Variants in PUS3 observed in about 807,000 individuals in gnomAD.
The protein encoded by PUS3 is tRNA pseudouridine(38/39) synthase.
Under a neutral mutation model 43.3 loss-of-function variants are expected in PUS3, and 36 were observed. The ratio of observed to expected loss-of-function variants is 0.83; its 90% CI spans 0.64 to 1.10. PUS3 has a LOEUF of 1.10. PUS3 is among the 50% of genes least tolerant of loss of function. The pLI, the probability that PUS3 is intolerant of heterozygous loss-of-function variation, is 0.00. For synonymous variants in PUS3, 183 were observed against 199.2 expected (o/e 0.92, Z 0.69); for missense variants, 544 against 589.9 (o/e 0.92, Z 0.81).
chr11:125,896,861 C>T (rs1944606153), intron 1 of PUS3, among the ~76,000 whole-genome samples: 1 of 152,038 alleles, frequency 6.6e-6, no homozygotes, highest in Non-Finnish European at 1.5e-5. Context: ...AAGAAGCTTA[C>T]CGATGGTTGT....
At chr11:125,898,070 G>A (rs959588380) in intron 1 of PUS3, among the ~76,000 whole-genome samples, 1 of 152,124 alleles carries the variant, frequency 6.6e-6, no homozygotes, top group African/African-American at 2.4e-5. Flanking sequence ...GTTCAGAAGA[G>A]TTGTGTAGTG....
intron 1 of PUS3, chr11:125,899,923 C>T: frequency 1.2e-6 from 2 of 1,614,174 alleles, no homozygotes; most frequent in Non-Finnish European, 1.7e-6. Context: ...ACGAACAAGA[C>T]CTGATTGTTG....
rs1160441278 is a variant in PUS3 at position 125,895,691 on chromosome 11, A to G, written c.477T>C (p.Arg159=). 1 of 1,614,062 alleles carries G rather than the reference A, an allele frequency of 6.2e-7. No individual in the cohort carries two copies. The highest frequency in any genetic ancestry group is 2.2e-5 in the East Asian group (1 of 44,892). ...GTACCCGATTGAGAATGTGGGTATAACGGATCTCTTCAGCAGCAGCATTAG... is the reference window on the plus strand; with the variant it reads ...GTACCCGATTGAGAATGTGGGTATAGCGGATCTCTTCAGCAGCAGCATTAG... ...EEANAAAEEI[R]YTHILNRVLP... is the part of the protein sequence containing the mutation. The change falls in exon 3 of 4, where the codon CGT becomes CGC. Residue 159 remains arginine, a synonymous_variant. Transcript: ENST00000227474.
At position 125,894,048 on chromosome 11, in the gene PUS3, C is replaced by T. The variant is rs146114159; in HGVS notation, c.1183G>A (p.Val395Ile). Residue 395 changes from valine to isoleucine, a missense_variant, in exon 4 of 4, where the codon GTC becomes ATC. Val to Ile is a conservative substitution (Grantham distance 29, BLOSUM62 3). Transcript: ENST00000227474. ...ACAAAGGCACTGGTCTGCTTTATGACAGAGGGCTTAACATTTCCCCATTCT... is the reference window on the plus strand; with the variant it reads ...ACAAAGGCACTGGTCTGCTTTATGATAGAGGGCTTAACATTTCCCCATTCT... ...MTEWGNVKPS[V>I]IKQTSAFVEG... 1.9e-6 allele frequency: 3 copies of T among 1,614,062 alleles called. No homozygotes were observed. The highest frequency in any genetic ancestry group is 1.3e-5 in the African/African-American group (1 of 74,908).
Position 125,895,648 on chromosome 11 carries a change from T to C in PUS3, c.520A>G (p.Ile174Val), listed in dbSNP as rs746058273. The change falls in exon 3 of 4, where the codon ATA (isoleucine) becomes GTA (valine). Residue 174 changes from isoleucine (I) to valine (V), a missense_variant. Ile to Val is a conservative substitution (Grantham distance 29, BLOSUM62 3). Coordinates refer to ENST00000227474, the MANE Select transcript of PUS3 (RefSeq NM_031307.4). Reference protein sequence around the residue: ...LNRVLPPDIRILAWAPVEPSF... With the variant: ...LNRVLPPDIRVLAWAPVEPSF... The stretch of plus-strand genomic sequence containing the variant: ...GGTTCTACAGGGGCCCAGGCCAATA[T>C]ACGGATGTCTGGAGGGAGTACCCGA... 1 of 1,614,206 alleles carries C rather than the reference T, an allele frequency of 6.2e-7. No homozygotes were observed. Among genetic ancestry groups the C allele is most frequent in the Non-Finnish European group, 8.5e-7 (1 of 1,180,038 alleles).
At chr11:125,899,707 G>T in intron 1 of PUS3, 2 of 1,614,146 alleles carry the variant, frequency 1.2e-6, no homozygotes, top group South Asian at 2.2e-5. Context: ...CAGATGAGTC[G>T]ATTATCAGTG....
chr11:125,900,347 T>C, intron 1 of PUS3: 1 of 1,395,610 alleles, frequency 7.2e-7, no homozygotes, highest in Non-Finnish European at 1.0e-6. Flanking sequence ...GAAACAACTG[T>C]CTTGAGAAGC....
chr11:125,899,377 ACTT>A, intron 1 of PUS3: 1 of 1,614,088 alleles, frequency 6.2e-7, no homozygotes, highest in Non-Finnish European at 8.5e-7. Context: ...CAATGGAAGA[ACTT>A]CTACCTGATG....
At chr11:125,899,675 C>T in intron 1 of PUS3, 2 of 1,614,164 alleles carry the variant, frequency 1.2e-6, no homozygotes, top group South Asian at 2.2e-5. Context: ...GCGCAGAAAG[C>T]CAGATGGGGA....
At chr11:125,901,782 G>A (rs1944779269) in intron 1 of PUS3, among the ~76,000 whole-genome samples, 1 of 152,188 alleles carries the variant, frequency 6.6e-6, no homozygotes, top group Non-Finnish European at 1.5e-5. Context: ...AAAGACATTA[G>A]AATATTAAAT....
At chr11:125,895,178 G>A in intron 3 of PUS3, 46 bp downstream of exon 3, 1 of 1,464,698 alleles carries the variant, frequency 6.8e-7, no homozygotes, top group South Asian at 1.4e-5. Flanking sequence ...GTCCCGAGTA[G>A]CTGGGACTAC....
intron 1 of PUS3, chr11:125,899,811 T>G: frequency 1.9e-6 from 3 of 1,614,166 alleles, no homozygotes; most frequent in Non-Finnish European, 2.5e-6. Context: ...GAATCTTCAT[T>G]TGATGTTTCA....
chr11:125,900,611 C>A (rs1241246070), intron 1 of PUS3: 4 of 303,522 alleles, frequency 1.3e-5, no homozygotes, highest in Non-Finnish European at 2.6e-5. Context: ...AGTTGCTGGG[C>A]ATTACACTTA....
intron 1 of PUS3, among the ~76,000 whole-genome samples, chr11:125,896,612 C>G (rs1944599124): frequency 6.6e-6 from 1 of 152,178 alleles, no homozygotes; most frequent in South Asian, 2.1e-4. Flanking sequence ...TTTCATTTCT[C>G]TATCTTCACT....
intron 1 of PUS3, chr11:125,899,837 C>T (rs546068885): frequency 6.2e-7 from 1 of 1,614,142 alleles, no homozygotes; most frequent in South Asian, 1.1e-5. Flanking sequence ...ATTTAACCTA[C>T]CACATGAATA....
Position 125,896,311 on chromosome 11 carries a change from A to G in PUS3, c.-27T>C, listed in dbSNP as rs765909258. 1.1e-5 allele frequency: 17 copies of G among 1,573,474 alleles called. No homozygotes were observed. The South Asian group carries it at 1.5e-4, about 14-fold the overall frequency. On this transcript the variant is annotated 5_prime_UTR_variant, in exon 2 of 4. Coordinates refer to ENST00000227474, the MANE Select transcript of PUS3 (RefSeq NM_031307.4). ...ATATGACAACCCCAGGAATAAACGAACCATACAGGTCTGCCCTGTCTGAAA... is the reference window on the plus strand; with the variant it reads ...ATATGACAACCCCAGGAATAAACGAGCCATACAGGTCTGCCCTGTCTGAAA...
chr11:125,899,499 A>G, intron 1 of PUS3: 1 of 1,614,188 alleles, frequency 6.2e-7, no homozygotes, highest in South Asian at 1.1e-5. Context: ...AGAGAAGCCC[A>G]ATCTATCCAA....
At chr11:125,903,132 A>G in intron 1 of PUS3, 38 bp downstream of exon 1, 1 of 955,306 alleles carries the variant, frequency 1.0e-6, no homozygotes. Flanking sequence ...CCCCTGTGGA[A>G]CCCAGAAAGT....
At chr11:125,896,479 C>T (rs1944595810) in intron 1 of PUS3, 149 bp from the exon 2 acceptor site, 2 of 595,108 alleles carry the variant, frequency 3.4e-6, no homozygotes, top group Non-Finnish European at 5.7e-6. Context: ...GTTGATCATC[C>T]ACAGATAGCA....
Sources: allele counts gnomAD v4.1 joint callset (sites outside exome capture counted in the v4.1 genomes callset), GRCh38; gene constraint gnomAD v4.1.1; transcripts MANE v1.5; gene names NCBI Gene and HGNC (gene_info 2026-07-23, HGNC 2026-07-21).